The following TIAM1 variants were observed in gnomAD, a reference collection of about 807,000 sequenced individuals.
The protein encoded by TIAM1 is rho guanine nucleotide exchange factor TIAM1.
A neutral mutation model predicts 163.5 loss-of-function variants in TIAM1; 65 were observed. That is an observed-to-expected ratio of 0.40 (90% CI 0.33 to 0.49). The LOEUF (loss-of-function observed/expected upper bound fraction) is 0.49, where lower values mean the gene tolerates loss of function less well. Ranked by LOEUF, TIAM1 falls within the 20% of genes least tolerant of loss-of-function variation. The pLI is 0.77. For synonymous variants in TIAM1, 833 were observed against 810.1 expected (o/e 1.03, Z -0.48); for missense variants, 1,789 against 2,044.7 (o/e 0.87, Z 2.41).
At chr21:31,228,234 A>AT (rs1569068697) in intron 6 of TIAM1, among the ~76,000 whole-genome samples, 1 of 32,418 alleles carries the variant, frequency 3.1e-5, no homozygotes, top group African/African-American at 9.9e-5. Context: ...AAAAAAAAAA[A>AT]AAAAAAAAAA....
chr21:31,336,444 G>C (rs2147081396), intron 2 of TIAM1, among the ~76,000 whole-genome samples: 1 of 151,618 alleles, frequency 6.6e-6, no homozygotes, highest in South Asian at 2.1e-4. Flanking sequence ...TACACACACA[G>C]GCTCACACAG....
chr21:31,131,584 A>T (rs1002304703), intron 23 of TIAM1, among the ~76,000 whole-genome samples: 1 of 152,214 alleles, frequency 6.6e-6, no homozygotes, highest in African/African-American at 2.4e-5. Context: ...GAATTTGTTA[A>T]GCAATGCCAA....
intron 22 of TIAM1, among the ~76,000 whole-genome samples, chr21:31,137,563 A>G (rs1020833268): frequency 6.6e-6 from 1 of 151,978 alleles, no homozygotes. Context: ...GTACGTCTTT[A>G]AAAGTGATTA....
At chr21:31,198,325 A>T (rs1444889640) in intron 12 of TIAM1, among the ~76,000 whole-genome samples, 2 of 152,218 alleles carry the variant, frequency 1.3e-5, no homozygotes, top group Non-Finnish European at 2.9e-5. Context: ...TAGAATGCCA[A>T]GGAGTGTGGG....
chr21:31,383,100 C>T (rs1349095473), intron 2 of TIAM1, among the ~76,000 whole-genome samples: 2 of 151,978 alleles, frequency 1.3e-5, no homozygotes, highest in African/African-American at 2.4e-5. Flanking sequence ...ATTAGCCTGG[C>T]GTGGTGGTGG....
At chr21:31,410,784 A>G (rs1386453325) in intron 2 of TIAM1, among the ~76,000 whole-genome samples, 2 of 152,036 alleles carry the variant, frequency 1.3e-5, no homozygotes, top group Admixed American at 1.3e-4. Context: ...ACCAACAGAG[A>G]CAGAAAGGGA....
chr21:31,478,306 A>G (rs2045999845), intron 1 of TIAM1, among the ~76,000 whole-genome samples: 1 of 152,216 alleles, frequency 6.6e-6, no homozygotes. Context: ...CTTAAAATAG[A>G]ACCAAGCTTT....
chr21:31,408,256 C>A (rs1246112557), intron 2 of TIAM1, among the ~76,000 whole-genome samples: 1 of 152,152 alleles, frequency 6.6e-6, no homozygotes, highest in Admixed American at 6.5e-5. Flanking sequence ...CAAAATCTTA[C>A]ACTTGTAAAG....
Position 31,164,962 on chromosome 21 carries a change from C to T in TIAM1, c.2991G>A (p.Lys997=). ...GGATGTGAAAATGAAAATCTCTCAC[C>T]TTGCTGCTGTGATCAGTCTCATCTG... ...ESSDETDHSS[K]STEQVAAFCR... The change falls in exon 16 of 28, where the codon AAG becomes AAA. Residue 997 remains lysine, a splice_region_variant and synonymous_variant. Coordinates refer to ENST00000541036, the MANE Select transcript of TIAM1 (RefSeq NM_001353694.2). 6.2e-7 allele frequency: 1 copy of T among 1,614,038 alleles called. No homozygotes were observed. Among genetic ancestry groups the T allele is most frequent in the Non-Finnish European group, 8.5e-7 (1 of 1,179,988 alleles).
intron 2 of TIAM1, among the ~76,000 whole-genome samples, chr21:31,312,885 A>G (rs1473114260): frequency 6.6e-6 from 1 of 152,232 alleles, no homozygotes; most frequent in Non-Finnish European, 1.5e-5. Flanking sequence ...ATAGGAAAAA[A>G]GGCGAATGAA....
chr21:31,225,702 A>C, intron 7 of TIAM1, 24 bp downstream of exon 7: 1 of 1,569,598 alleles, frequency 6.4e-7, no homozygotes, highest in Non-Finnish European at 8.7e-7. Flanking sequence ...TTTTGTCCGG[A>C]CCTAAACACG....
intron 15 of TIAM1, among the ~76,000 whole-genome samples, chr21:31,173,820 A>G (rs1183411816): frequency 6.6e-6 from 1 of 152,200 alleles, no homozygotes; most frequent in Non-Finnish European, 1.5e-5. Context: ...TACATTAACA[A>G]TCTTTAAAAA....
intron 12 of TIAM1, among the ~76,000 whole-genome samples, chr21:31,199,197 G>A (rs2086051348): frequency 6.6e-6 from 1 of 152,110 alleles, no homozygotes; most frequent in East Asian, 1.9e-4. Context: ...TGTCTCCTTT[G>A]GGTGGCTTGG....
intron 6 of TIAM1, among the ~76,000 whole-genome samples, chr21:31,237,501 A>C (rs1430359103): frequency 2.0e-5 from 3 of 152,164 alleles, no homozygotes; most frequent in Non-Finnish European, 4.4e-5. Context: ...TTTATTACTA[A>C]AATGGTAACT....
At chr21:31,418,943 C>G (rs77136689) in intron 2 of TIAM1, among the ~76,000 whole-genome samples, 78 of 152,268 alleles carry the variant, frequency 5.1e-4, no homozygotes, top group Non-Finnish European at 1.0e-3. Flanking sequence ...CAGCCCCCAC[C>G]GAGCGGTCTA....
At chr21:31,143,867 C>T (rs1475523644) in intron 20 of TIAM1, among the ~76,000 whole-genome samples, 4 of 151,952 alleles carry the variant, frequency 2.6e-5, no homozygotes, top group Non-Finnish European at 4.4e-5. Context: ...GCTGGGACTA[C>T]AGGCATGCAC....
chr21:31,447,853 T>C (rs1569339681), intron 2 of TIAM1, among the ~76,000 whole-genome samples: 2 of 152,280 alleles, frequency 1.3e-5, no homozygotes, highest in East Asian at 3.9e-4. Context: ...CTCGTGTGAT[T>C]ATGGAGGTTA....
chr21:31,557,616 G>A (rs1456879560), intron 1 of TIAM1, among the ~76,000 whole-genome samples: 1 of 152,124 alleles, frequency 6.6e-6, no homozygotes, highest in Non-Finnish European at 1.5e-5. Context: ...CAAAGTATGC[G>A]CCAAGTCAGC....
Position 31,225,885 on chromosome 21 carries a change from G to T in TIAM1, c.1650C>A (p.Val550=). 1 of 1,614,106 alleles carries T rather than the reference G, an allele frequency of 6.2e-7. No homozygotes were observed. Among genetic ancestry groups the T allele is most frequent in the South Asian group, 1.1e-5 (1 of 91,046 alleles). The change falls in exon 7 of 28, where the codon GTC becomes GTA. Residue 550 remains valine, a synonymous_variant. Coordinates refer to ENST00000541036, the MANE Select transcript of TIAM1 (RefSeq NM_001353694.2). ...TGTCTTCCTTGTGGTGGTGCCTCGC[G>T]ACCGCAGTGGCGCAGGCAGAGTGGA... is the stretch of plus-strand genomic sequence containing the variant. ...TAIHSACATA[V]ARHHHKEDTL...
Sources: allele counts gnomAD v4.1 joint callset (sites outside exome capture counted in the v4.1 genomes callset), GRCh38; gene constraint gnomAD v4.1.1; transcripts MANE v1.5; gene names NCBI Gene and HGNC (gene_info 2026-07-23, HGNC 2026-07-21).